The following GXYLT2 variants were observed in gnomAD, a reference collection of about 807,000 sequenced individuals.
GXYLT2 encodes glycosyltransferase 8 domain containing 4.
GXYLT2 carries 53 observed loss-of-function variants against 45.8 expected under a neutral mutation model. The observed-to-expected ratio is 1.16, with a 90% CI of 0.93 to 1.46. The LOEUF is 1.46. Among genes scored for constraint, GXYLT2 ranks in the 40% most tolerant of loss-of-function variants. The probability of loss-of-function intolerance (pLI) is 0.00; values close to 1 mark genes in which losing one functional copy is unlikely to be tolerated. For missense variants in GXYLT2, 551 were observed against 544.4 expected (o/e 1.01, Z -0.12); for synonymous variants, 219 against 214.2 (o/e 1.02, Z -0.19).
chr3:72,936,352 CTT>C (rs1278863111), intron 3 of GXYLT2, among the ~76,000 whole-genome samples: 1 of 147,036 alleles, frequency 6.8e-6, no homozygotes, highest in Admixed American at 6.8e-5. Context: ...GTGGAAGAAA[CTT>C]TAATAAACAT....
At chr3:72,963,538 TG>T (rs1286015918) in intron 5 of GXYLT2, among the ~76,000 whole-genome samples, 2 of 146,628 alleles carry the variant, frequency 1.4e-5, no homozygotes, top group Non-Finnish European at 3.0e-5. Context: ...AGTCTCACCC[TG>T]TTGCCCAGGC....
chr3:72,888,439 G>T lies in GXYLT2; in HGVS notation c.206G>T (p.Arg69Met). Residue 69 changes from arginine (R) to methionine (M), a missense_variant, in exon 1 of 7, where the codon AGG (arginine) becomes ATG (methionine). Coordinates refer to ENST00000389617, the MANE Select transcript of GXYLT2 (RefSeq NM_001080393.2). ...ALPGASPGVR[R>M]RRPPRPRPRA... is the part of the protein sequence containing the mutation. ...CCCGGGGCCAGCCCGGGAGTTCGGA[G>T]GCGCCGGCCCCCGCGTCCGCGCCCC... 1 of 1,174,238 alleles carries T rather than the reference G, an allele frequency of 8.5e-7. No individual in the cohort carries two copies. Among genetic ancestry groups the T allele is most frequent in the South Asian group, 2.9e-5 (1 of 34,596 alleles). 72.7% of individuals were successfully genotyped at this position (1,174,238 alleles called of 1,614,324 possible). A position where few individuals can be genotyped will look rare whatever the true frequency, so the allele number is the denominator to read the frequency against.
intron 1 of GXYLT2, among the ~76,000 whole-genome samples, chr3:72,902,478 G>A (rs1709426940): frequency 6.6e-6 from 1 of 152,160 alleles, no homozygotes; most frequent in Non-Finnish European, 1.5e-5. Flanking sequence ...CCTGCTGAAG[G>A]TTACAGTGTC....
At chr3:72,961,726 T>A (rs905691233) in intron 5 of GXYLT2, among the ~76,000 whole-genome samples, 7 of 151,290 alleles carry the variant, frequency 4.6e-5, no homozygotes, top group African/African-American at 1.5e-4. Context: ...TCTCTTTAAT[T>A]TGGGAGACCA....
chr3:72,968,609 C>G (rs898649991), intron 6 of GXYLT2, among the ~76,000 whole-genome samples: 1 of 152,236 alleles, frequency 6.6e-6, no homozygotes, highest in Non-Finnish European at 1.5e-5. Context: ...TGGCAGGAAC[C>G]TTCTCACTGC....
intron 5 of GXYLT2, among the ~76,000 whole-genome samples, chr3:72,964,447 C>A (rs966169266): frequency 1.3e-5 from 2 of 152,040 alleles, no homozygotes; most frequent in Non-Finnish European, 2.9e-5. Context: ...CTCAGCCCCC[C>A]GAGTAGCTGG....
chr3:72,963,393 C>T (rs1424344182), intron 5 of GXYLT2, among the ~76,000 whole-genome samples: 2 of 151,784 alleles, frequency 1.3e-5, no homozygotes, highest in African/African-American at 4.8e-5. Context: ...GCCAACATGG[C>T]GAAACCCTGT....
chr3:72,948,717 A>G (rs969602938), intron 3 of GXYLT2, among the ~76,000 whole-genome samples: 2 of 151,618 alleles, frequency 1.3e-5, no homozygotes, highest in Non-Finnish European at 2.9e-5. Context: ...GGCGCCTGTA[A>G]TCCCAGCTAC....
intron 2 of GXYLT2, among the ~76,000 whole-genome samples, chr3:72,911,993 G>GTGTGTATATA (rs1381632448): frequency 4.1e-5 from 5 of 122,906 alleles, no homozygotes; most frequent in African/African-American, 2.0e-4. Flanking sequence ...GTGTGTGTGT[G>GTGTGTATATA]TATATATATA....
chr3:72,963,796 C>A (rs1209165514), intron 5 of GXYLT2, among the ~76,000 whole-genome samples: 2 of 151,934 alleles, frequency 1.3e-5, no homozygotes, highest in Non-Finnish European at 2.9e-5. Flanking sequence ...CCTCACCCTC[C>A]CAAGTAGCTG....
intron 2 of GXYLT2, among the ~76,000 whole-genome samples, chr3:72,914,406 C>A (rs1709690829): frequency 6.6e-6 from 1 of 152,076 alleles, no homozygotes; most frequent in African/African-American, 2.4e-5. Flanking sequence ...AACTGTGCTA[C>A]TGCCCAACTC....
intron 6 of GXYLT2, among the ~76,000 whole-genome samples, chr3:72,970,792 G>T (rs371024347): frequency 6.6e-6 from 1 of 152,118 alleles, no homozygotes; most frequent in East Asian, 1.9e-4. Context: ...AACCTGGGAA[G>T]CAGAGGTTGC....
intron 2 of GXYLT2, among the ~76,000 whole-genome samples, chr3:72,912,006 TATATATA>T (rs1436172955): frequency 4.6e-5 from 6 of 129,690 alleles, no homozygotes; most frequent in African/African-American, 2.2e-4. Context: ...TATATATATA[TATATATA>T]TTTTTTTTTT....
intron 1 of GXYLT2, among the ~76,000 whole-genome samples, chr3:72,901,172 C>G (rs1709397615): frequency 6.6e-6 from 1 of 152,062 alleles, no homozygotes; most frequent in African/African-American, 2.4e-5. Context: ...GCCTGTAGTC[C>G]CAGCTATTCA....
rs149481179 is a variant in GXYLT2, at chr3:72,958,061, G to A, written c.976+709G>A. On this transcript the variant is annotated intron_variant, in intron 5 of 6. Coordinates refer to ENST00000389617, the MANE Select transcript of GXYLT2 (RefSeq NM_001080393.2). Reference sequence around the variant, plus strand: ...CAAGTTGGGCGGATCACTTGAGGTCGAGAGTTTGAGACCAGCCTACCCAAC... The same window carrying A: ...CAAGTTGGGCGGATCACTTGAGGTCAAGAGTTTGAGACCAGCCTACCCAAC... Among the ~76,000 whole-genome samples, 802 of 152,088 alleles carry A rather than the reference G, an allele frequency of 5.3e-3. 7 individuals are homozygous for A. Among genetic ancestry groups the A allele is most frequent in the African/African-American group, 0.018 (767 of 41,484 alleles).
chr3:72,910,528 A>G (rs1449893191), intron 2 of GXYLT2, among the ~76,000 whole-genome samples: 1 of 152,214 alleles, frequency 6.6e-6, no homozygotes, highest in Non-Finnish European at 1.5e-5. Context: ...AGGTCAGGTC[A>G]GGCTTCAGTA....
intron 2 of GXYLT2, among the ~76,000 whole-genome samples, chr3:72,914,527 A>ATGTGTGTGTG (rs141322523): frequency 1.3e-5 from 2 of 149,824 alleles, no homozygotes; most frequent in African/African-American, 4.9e-5. Context: ...TTACATATAT[A>ATGTGTGTGTG]TGTGTGTGTG....
chr3:72,925,559 G>A (rs768575984), intron 3 of GXYLT2, among the ~76,000 whole-genome samples: 3 of 152,144 alleles, frequency 2.0e-5, no homozygotes, highest in Non-Finnish European at 4.4e-5. Context: ...CTAGGTTGGT[G>A]ATATAAAAAC....
intron 2 of GXYLT2, among the ~76,000 whole-genome samples, chr3:72,919,690 G>A (rs1407162243): frequency 2.0e-5 from 3 of 152,210 alleles, no homozygotes; most frequent in African/African-American, 7.2e-5. Context: ...GGGAGGCGGC[G>A]GTTGCAGTGA....
Sources: allele counts gnomAD v4.1 joint callset (sites outside exome capture counted in the v4.1 genomes callset), GRCh38; gene constraint gnomAD v4.1.1; transcripts MANE v1.5; gene names NCBI Gene and HGNC (gene_info 2026-07-23, HGNC 2026-07-21).